Variants in ZBTB49 observed in about 807,000 individuals in gnomAD.
ZBTB49 encodes zinc finger and BTB domain containing 49.
Under a neutral mutation model 57.5 loss-of-function variants are expected in ZBTB49, and 43 were observed. The ratio of observed to expected loss-of-function variants is 0.75; its 90% CI spans 0.59 to 0.97. The LOEUF (loss-of-function observed/expected upper bound fraction) is 0.97. ZBTB49 is among the 50% of genes least tolerant of loss of function. The probability of loss-of-function intolerance (pLI) is 0.00; values close to 1 mark genes in which losing one functional copy is unlikely to be tolerated. For missense variants in ZBTB49, 938 were observed against 947.7 expected, an observed-to-expected ratio of 0.99 and a Z score of 0.13; for synonymous variants, 369 against 362.1, an observed-to-expected ratio of 1.02 and a Z score of -0.22.
chr4:4,297,773 C>A (rs371460873), intron 1 of ZBTB49, among the ~76,000 whole-genome samples: 328 of 115,326 alleles, frequency 2.8e-3, no homozygotes, highest in Non-Finnish European at 3.2e-3. Context: ...GATCCTGTTT[C>A]AAAAAAAAAA....
chr4:4,319,446 T>G (rs889833549), intron 7 of ZBTB49, among the ~76,000 whole-genome samples: 1 of 152,210 alleles, frequency 6.6e-6, no homozygotes. Flanking sequence ...ATTCCAGTGG[T>G]GGAGCTAGAT....
Position 4,320,749 on chromosome 4 carries a change from G to T in ZBTB49, c.1731G>T (p.Val577=), listed in dbSNP as rs183618251. ...ACAAGTGCTTTACCCGCTCTGCGGT[G>T]CTCCGGCGGCACAAGAAGATGCACT... ...ICNKCFTRSA[V]LRRHKKMHCK... Residue 577 remains valine (V), a synonymous_variant, in exon 8 of 8, where the codon GTG becomes GTT. Coordinates refer to ENST00000337872, the MANE Select transcript of ZBTB49 (RefSeq NM_145291.4). 73 of 1,614,246 alleles carry T rather than the reference G, an allele frequency of 4.5e-5. No individual in the cohort carries two copies. The highest frequency in any genetic ancestry group is 1.3e-4 in the Admixed American group (8 of 60,022).
intron 7 of ZBTB49, 115 bp from the exon 8 acceptor site, chr4:4,320,525 A>C (rs961106856): frequency 2.2e-6 from 3 of 1,340,230 alleles, no homozygotes; most frequent in Admixed American, 2.4e-5. Context: ...CTGTCGTCCC[A>C]GCTACTTGAG....
At chr4:4,292,469 A>G (rs1042053114) in intron 1 of ZBTB49, among the ~76,000 whole-genome samples, 1 of 152,196 alleles carries the variant, frequency 6.6e-6, no homozygotes, top group Non-Finnish European at 1.5e-5. Flanking sequence ...GCCTGTGAAG[A>G]GTAGGGAACA....
At chr4:4,298,357 C>G (rs529455720) in intron 1 of ZBTB49, among the ~76,000 whole-genome samples, 2 of 152,178 alleles carry the variant, frequency 1.3e-5, no homozygotes, top group South Asian at 4.1e-4. Flanking sequence ...ACTTTTTCAG[C>G]CATGCTTGAG....
rs1418523787 is a variant in ZBTB49 at position 4,315,830 on chromosome 4, T to G, written c.1481T>G (p.Leu494Trp). ...CTAGGGTTTAGTAACTTCAGTAATT[T>G]GAAGGAGCACAAAAAGACACACACG... ...CGRGFSNFSN[L>W]KEHKKTHTAD... Residue 494 changes from leucine (L) to tryptophan (W), a missense_variant, in exon 7 of 8, where the codon TTG becomes TGG. By Grantham distance (61) the Leu-to-Trp change is moderately conservative. Coordinates refer to ENST00000337872, the MANE Select transcript of ZBTB49 (RefSeq NM_145291.4). The G allele has an allele frequency of 6.2e-7, 1 of 1,614,094 alleles. No homozygotes were observed. Among genetic ancestry groups the G allele is most frequent in the Non-Finnish European group, 8.5e-7 (1 of 1,180,040 alleles).
chr4:4,315,605 C>G (rs373388689), intron 5 of ZBTB49, 31 bp from the exon 6 acceptor site: 1 of 1,607,678 alleles, frequency 6.2e-7, no homozygotes, highest in Non-Finnish European at 8.5e-7. Context: ...TGTGGAAAGG[C>G]TCTTAATTGA....
At position 4,315,911 on chromosome 4, in the gene ZBTB49, A is replaced by G; in HGVS notation, c.1562A>G (p.Lys521Arg). The G allele has an allele frequency of 6.2e-7, 1 of 1,614,202 alleles. No homozygotes were observed. Among genetic ancestry groups the G allele is most frequent in the Non-Finnish European group, 8.5e-7 (1 of 1,180,040 alleles). Residue 521 changes from lysine (K) to arginine (R), a missense_variant, in exon 7 of 8, where the codon AAG (lysine) becomes AGG (arginine). Around this residue, in one of 3 missense-constraint regions of ZBTB49, gnomAD observed 835 missense variants for 819.1 expected, o/e 1.02. Coordinates refer to ENST00000337872, the MANE Select transcript of ZBTB49 (RefSeq NM_145291.4). Reference protein sequence around the residue: ...ECGKSFNMQRKLVKHRIRHTG... With the variant: ...ECGKSFNMQRRLVKHRIRHTG... ...GGAAAGTCTTTTAATATGCAAAGGA[A>G]GTTAGTAAAGCACAGAATTCGGCAC...
chr4:4,293,657 A>T (rs1352075767), intron 1 of ZBTB49, among the ~76,000 whole-genome samples: 5 of 152,156 alleles, frequency 3.3e-5, no homozygotes, highest in Non-Finnish European at 7.3e-5. Flanking sequence ...GAAATTCTTC[A>T]ATTCTATGTG....
intron 5 of ZBTB49, among the ~76,000 whole-genome samples, chr4:4,314,385 T>A (rs1463610463): frequency 6.6e-6 from 1 of 152,250 alleles, no homozygotes; most frequent in South Asian, 2.1e-4. Flanking sequence ...TTATTTATTT[T>A]TTTGAGACAG....
intron 4 of ZBTB49, among the ~76,000 whole-genome samples, 165 bp downstream of exon 4, chr4:4,306,349 T>A (rs1260424473): frequency 6.6e-6 from 1 of 152,212 alleles, no homozygotes; most frequent in Non-Finnish European, 1.5e-5. Flanking sequence ...GAAAACAGAT[T>A]TCTAGTTCTT....
Position 4,298,251 on chromosome 4 carries a change from C to T in ZBTB49, c.-19-1676C>T, listed in dbSNP as rs1393363070. Among the ~76,000 whole-genome samples the T allele has an allele frequency of 2.6e-5, 4 of 152,278 alleles. No individual in the cohort carries two copies. In the East Asian group the frequency reaches 5.8e-4, roughly 22 times the overall value. On this transcript the variant is annotated intron_variant, in intron 1 of 7. Transcript: ENST00000337872. ...GGTTTGGGGAGCTGCTAGTAGTTCA[C>T]TTTGGCTGCCACATACTTGGAGTAA...
intron 4 of ZBTB49, among the ~76,000 whole-genome samples, chr4:4,307,571 C>T (rs1720792597): frequency 6.6e-6 from 1 of 152,188 alleles, no homozygotes; most frequent in African/African-American, 2.4e-5. Flanking sequence ...CAGGGCCTGG[C>T]ACATAGTAAG....
At chr4:4,299,808 T>TGA (rs1008222724) in intron 1 of ZBTB49, 119 bp from the exon 2 acceptor site, 5 of 711,916 alleles carry the variant, frequency 7.0e-6, no homozygotes, top group African/African-American at 5.8e-5. Context: ...TGTGTGTGTG[T>TGA]GTGAGAGAGA....
At chr4:4,301,833 G>C (rs1277011749) in intron 2 of ZBTB49, among the ~76,000 whole-genome samples, 156 bp from the exon 3 acceptor site, 2 of 152,114 alleles carry the variant, frequency 1.3e-5, no homozygotes, top group Admixed American at 1.3e-4. Context: ...TGGATGGTTT[G>C]CCAGGTTGTT....
chr4:4,306,526 G>A (rs1289825297), intron 4 of ZBTB49, among the ~76,000 whole-genome samples: 1 of 152,218 alleles, frequency 6.6e-6, no homozygotes, highest in Non-Finnish European at 1.5e-5. Flanking sequence ...GGGTTAGGCT[G>A]AAGACAACTA....
intron 1 of ZBTB49, among the ~76,000 whole-genome samples, chr4:4,291,994 C>T (rs1367624818): frequency 2.0e-5 from 3 of 151,562 alleles, no homozygotes; most frequent in African/African-American, 7.3e-5. Context: ...CAAAATTAGG[C>T]GGGTGTGGTG....
chr4:4,304,225 A>ATTTT (rs35865014), intron 3 of ZBTB49, among the ~76,000 whole-genome samples: 1 of 135,666 alleles, frequency 7.4e-6, no homozygotes, highest in Non-Finnish European at 1.6e-5. Context: ...GATTACTGCA[A>ATTTT]TTTTTTTTTT....
At chr4:4,291,757 C>T (rs1009416064) in intron 1 of ZBTB49, among the ~76,000 whole-genome samples, 3 of 152,214 alleles carry the variant, frequency 2.0e-5, no homozygotes, top group Non-Finnish European at 2.9e-5. Context: ...ACTTAACTCA[C>T]ATTTCAGCAT....
Sources: gnomAD v4.1 joint callset for allele counts (sites outside exome capture counted in the v4.1 genomes callset) on GRCh38, gnomAD v4.1.1 for gene constraint, gnomAD v4.1.1 regional missense constraint, MANE v1.5 for transcripts, NCBI Gene and HGNC (gene_info 2026-07-23, HGNC 2026-07-21) for gene names.